CNTNAP5: variants seen among roughly 807,000 people sequenced by gnomAD.
CNTNAP5 encodes the protein contactin-associated protein-like 5.
CNTNAP5 carries 72 observed loss-of-function variants against 150.2 expected under a neutral mutation model. That is an observed-to-expected ratio of 0.48 (90% CI 0.40 to 0.58). CNTNAP5 has a LOEUF of 0.58. Among genes scored for constraint, CNTNAP5 ranks in the 20% least tolerant of loss-of-function variants. CNTNAP5 has a pLI of 0.00. For missense variants in CNTNAP5, 1,636 were observed against 1,626.2 expected (o/e 1.01, Z -0.10); for synonymous variants, 672 against 619.8 (o/e 1.08, Z -1.25).
chr2:124,611,113 G>A lies in CNTNAP5; in HGVS notation c.1876+1193G>A, dbSNP rs547225956. On this transcript the variant is annotated intron_variant, in intron 12 of 23. Coordinates refer to ENST00000682447, the MANE Select transcript of CNTNAP5 (RefSeq NM_001367498.1). ...AGCAGGAACGTAGGGGCCTCTTTAG[G>A]CTCATTGAGCCTTCAGGCCTCAGGA... Among the ~76,000 whole-genome samples the A allele has an allele frequency of 4.6e-5, 7 of 152,260 alleles. No homozygotes were observed. The East Asian group carries it at 1.3e-3, about 29-fold the overall frequency.
intron 19 of CNTNAP5, among the ~76,000 whole-genome samples, chr2:124,853,593 G>T (rs1193716491): frequency 6.6e-6 from 1 of 152,136 alleles, no homozygotes. Flanking sequence ...TCCAAACTAA[G>T]TTCTATCTTG....
intron 11 of CNTNAP5, among the ~76,000 whole-genome samples, chr2:124,580,550 T>C (rs1696387214): frequency 6.6e-6 from 1 of 152,238 alleles, no homozygotes; most frequent in Admixed American, 6.5e-5. Flanking sequence ...TCACGAATCG[T>C]TCTTTGCTCA....
intron 14 of CNTNAP5, among the ~76,000 whole-genome samples, chr2:124,759,800 C>G (rs1680919336): frequency 6.6e-6 from 1 of 151,912 alleles, no homozygotes; most frequent in Non-Finnish European, 1.5e-5. Flanking sequence ...CCACCCACCC[C>G]TGTGTGGAGC....
At chr2:124,912,082 T>G (rs974818419) in intron 23 of CNTNAP5, among the ~76,000 whole-genome samples, 2 of 152,060 alleles carry the variant, frequency 1.3e-5, no homozygotes, top group African/African-American at 4.8e-5. Context: ...TGCTTTTCCA[T>G]TTTCTCATTG....
chr2:124,158,785 T>G (rs1479101876), intron 1 of CNTNAP5, among the ~76,000 whole-genome samples: 1 of 152,210 alleles, frequency 6.6e-6, no homozygotes, highest in Non-Finnish European at 1.5e-5. Flanking sequence ...GCACTTCCTC[T>G]TACCAAGACA....
chr2:124,689,299 A>G (rs571312929), intron 13 of CNTNAP5, among the ~76,000 whole-genome samples: 1 of 152,112 alleles, frequency 6.6e-6, no homozygotes, highest in Non-Finnish European at 1.5e-5. Context: ...CATTATCGGG[A>G]TGAAGATATT....
At chr2:124,375,218 G>A (rs1690615148) in intron 3 of CNTNAP5, among the ~76,000 whole-genome samples, 1 of 151,682 alleles carries the variant, frequency 6.6e-6, no homozygotes. Context: ...TGGCCTGAAA[G>A]TATCTCTCCA....
At chr2:124,814,677 G>A (rs750952412) in intron 19 of CNTNAP5, among the ~76,000 whole-genome samples, 9 of 151,958 alleles carry the variant, frequency 5.9e-5, no homozygotes, top group Non-Finnish European at 1.3e-4. Flanking sequence ...AAAGCACAGT[G>A]AAGAAAGAAA....
At chr2:124,750,115 A>G (rs539156578) in intron 14 of CNTNAP5, among the ~76,000 whole-genome samples, 2 of 152,034 alleles carry the variant, frequency 1.3e-5, no homozygotes, top group African/African-American at 4.8e-5. Context: ...ATATTTCATG[A>G]CCCTTTCCAT....
At position 124,598,913 on chromosome 2, in the gene CNTNAP5, G is replaced by GC. The variant is rs1288711424; in HGVS notation, c.1757-10887dup. Among the ~76,000 whole-genome samples, 73 of 152,056 alleles carry GC rather than the reference G, an allele frequency of 4.8e-4. 1 individual carries two copies. Among genetic ancestry groups the GC allele is most frequent in the Admixed American group, 3.3e-3 (50 of 15,274 alleles). On this transcript the variant is annotated intron_variant, in intron 11 of 23. Transcript: ENST00000682447. ...GTGGGAGTGACCCGATTTTCCAGGT[G>GC]CGTCCGTCACCCCTTTCTTTGACTC...
intron 1 of CNTNAP5, among the ~76,000 whole-genome samples, chr2:124,152,805 CTTA>C (rs889060804): frequency 6.6e-6 from 1 of 152,116 alleles, no homozygotes; most frequent in African/African-American, 2.4e-5. Flanking sequence ...GTGATTCTGT[CTTA>C]TTATAGCATA....
chr2:124,086,499 G>T (rs1682696248), intron 1 of CNTNAP5, among the ~76,000 whole-genome samples: 1 of 151,098 alleles, frequency 6.6e-6, no homozygotes, highest in African/African-American at 2.5e-5. Context: ...CACTGTACCT[G>T]GCCTGGTGTA....
At chr2:124,668,327 A>G (rs1290986748) in intron 13 of CNTNAP5, among the ~76,000 whole-genome samples, 1 of 152,216 alleles carries the variant, frequency 6.6e-6, no homozygotes, top group Non-Finnish European at 1.5e-5. Flanking sequence ...GTGGCAGAGA[A>G]GCTGAGAGAT....
At chr2:124,318,207 C>T (rs1689014461) in intron 3 of CNTNAP5, among the ~76,000 whole-genome samples, 2 of 152,178 alleles carry the variant, frequency 1.3e-5, no homozygotes, top group Admixed American at 1.3e-4. Context: ...GGGATGAGAT[C>T]ACAGGGCGAA....
chr2:124,333,773 C>T (rs1388780298), intron 3 of CNTNAP5, among the ~76,000 whole-genome samples: 2 of 152,040 alleles, frequency 1.3e-5, no homozygotes, highest in Non-Finnish European at 2.9e-5. Context: ...CTTCTGGGGC[C>T]TAATACTTAT....
chr2:124,536,285 T>G (rs1368485226), intron 10 of CNTNAP5, among the ~76,000 whole-genome samples: 1 of 152,198 alleles, frequency 6.6e-6, no homozygotes, highest in East Asian at 1.9e-4. Context: ...GTTATTTCGT[T>G]TTATTCTCTC....
At chr2:124,126,502 C>A (rs1423264510) in intron 1 of CNTNAP5, among the ~76,000 whole-genome samples, 1 of 152,136 alleles carries the variant, frequency 6.6e-6, no homozygotes, top group Non-Finnish European at 1.5e-5. Context: ...TGGTACCATT[C>A]CTTCTGAAAC....
chr2:124,517,601 T>C lies in CNTNAP5; in HGVS notation c.1328-6702T>C, dbSNP rs1694753799. Among the ~76,000 whole-genome samples, 3 of 149,986 alleles carry C rather than the reference T, an allele frequency of 2.0e-5. No homozygotes were observed. In the South Asian group the frequency reaches 6.4e-4, roughly 32 times the overall value. On this transcript the variant is annotated intron_variant, in intron 8 of 23. Transcript: ENST00000682447. ...TGGTGATGGAAGATTGTGGTGTTGG[T>C]GATGGAGGGTTGTAGTGTTGGTGAA...
At chr2:124,571,538 T>TTTCTTTTTTC (rs1696159780) in intron 11 of CNTNAP5, among the ~76,000 whole-genome samples, 1 of 100,266 alleles carries the variant, frequency 1.0e-5, no homozygotes, top group African/African-American at 3.9e-5. Context: ...TTTTTTTTTT[T>TTTCTTTTTTC]TTTTTTTTTT....
Sources: allele counts gnomAD v4.1 joint callset (sites outside exome capture counted in the v4.1 genomes callset), GRCh38; gene constraint gnomAD v4.1.1; transcripts MANE v1.5; gene names NCBI Gene and HGNC (gene_info 2026-07-23, HGNC 2026-07-21).